Variants in MAD1L1 observed in about 807,000 individuals in gnomAD.
MAD1L1 encodes the protein mitotic spindle assembly checkpoint protein MAD1.
A neutral mutation model predicts 96.9 loss-of-function variants in MAD1L1; 95 were observed. The observed-to-expected ratio is 0.98, with a 90% confidence interval of 0.83 to 1.16. The LOEUF (loss-of-function observed/expected upper bound fraction) is 1.16, where lower values mean the gene tolerates loss of function less well. Ranked by LOEUF, MAD1L1 falls within the 50% of genes most tolerant of loss-of-function variation. MAD1L1 has a pLI of 0.00. For missense variants in MAD1L1, 1,007 were observed against 954.4 expected (o/e 1.06, Z -0.73); for synonymous variants, 473 against 396.6 (o/e 1.19, Z -2.29).
At chr7:1,893,598 C>T (rs1786686179) in intron 18 of MAD1L1, among the ~76,000 whole-genome samples, 1 of 152,250 alleles carries the variant, frequency 6.6e-6, no homozygotes, top group African/African-American at 2.4e-5. Flanking sequence ...CCTCTGCCCT[C>T]CGTGGCCCTA....
At chr7:1,911,841 G>C (rs1788038289) in intron 17 of MAD1L1, among the ~76,000 whole-genome samples, 1 of 152,248 alleles carries the variant, frequency 6.6e-6, no homozygotes, top group Non-Finnish European at 1.5e-5. Context: ...GACTGGGTCT[G>C]AACCTCTGCG....
At chr7:1,912,676 C>T (rs1347974945) in intron 17 of MAD1L1, among the ~76,000 whole-genome samples, 1 of 152,210 alleles carries the variant, frequency 6.6e-6, no homozygotes, top group Non-Finnish European at 1.5e-5. Flanking sequence ...CACAGGCCCA[C>T]AGCCAGGGCC....
chr7:2,083,783 A>G (rs1181143081), intron 11 of MAD1L1, among the ~76,000 whole-genome samples: 2 of 152,232 alleles, frequency 1.3e-5, no homozygotes, highest in African/African-American at 4.8e-5. Context: ...CGTGGGAAGA[A>G]ACAGATCTGT....
intron 11 of MAD1L1, among the ~76,000 whole-genome samples, chr7:2,092,016 C>T (rs1328450649): frequency 6.6e-6 from 1 of 152,186 alleles, no homozygotes; most frequent in East Asian, 1.9e-4. Context: ...CAGACAGGGC[C>T]ATCAGGTCAT....
chr7:1,939,850 G>C (rs1323609839), intron 16 of MAD1L1, among the ~76,000 whole-genome samples: 1 of 152,222 alleles, frequency 6.6e-6, no homozygotes, highest in Non-Finnish European at 1.5e-5. Context: ...GGCTTGGGCT[G>C]TACCCTGGGG....
chr7:2,092,763 G>T (rs1786281416), intron 11 of MAD1L1, among the ~76,000 whole-genome samples: 1 of 152,170 alleles, frequency 6.6e-6, no homozygotes, highest in African/African-American at 2.4e-5. Context: ...CCTCTTAACA[G>T]TATCTTCCAC....
chr7:2,116,551 T>A (rs1262898284), intron 11 of MAD1L1, among the ~76,000 whole-genome samples: 1 of 43,018 alleles, frequency 2.3e-5, no homozygotes. Flanking sequence ...TACCCACACG[T>A]GGCAGGCCAG....
chr7:1,873,553 G>A (rs531646374), intron 18 of MAD1L1, among the ~76,000 whole-genome samples: 10 of 152,120 alleles, frequency 6.6e-5, no homozygotes, highest in East Asian at 3.9e-4. Flanking sequence ...GGCTCTCTAC[G>A]GATGGGGGCC....
chr7:1,926,776 G>A (rs931902051), intron 17 of MAD1L1, among the ~76,000 whole-genome samples: 23 of 152,220 alleles, frequency 1.5e-4, no homozygotes, highest in African/African-American at 3.9e-4. Flanking sequence ...CTAGCAGCAC[G>A]CCTCATGGAG....
intron 18 of MAD1L1, among the ~76,000 whole-genome samples, chr7:1,855,748 G>A (rs1036614345): frequency 7.2e-5 from 11 of 152,090 alleles, no homozygotes; most frequent in Non-Finnish European, 1.5e-4. Context: ...GCCTGTTCTC[G>A]GCAACATCTG....
chr7:1,957,477 C>G (rs979353512), intron 16 of MAD1L1, 152 bp downstream of exon 16: 1 of 772,358 alleles, frequency 1.3e-6, no homozygotes, highest in Non-Finnish European at 2.1e-6. Flanking sequence ...GCCTCCCTGC[C>G]AGGCAAGGGG....
rs371676435 is a variant in MAD1L1, at chr7:2,193,752, G to T, written c.986+19460C>A. Among the ~76,000 whole-genome samples the T allele has an allele frequency of 3.7e-4, 57 of 152,278 alleles. No individual in the cohort carries two copies. In the East Asian group the frequency reaches 6.0e-3, roughly 16 times the overall value. On this transcript the variant is annotated intron_variant, in intron 10 of 18. Coordinates refer to ENST00000265854, the MANE Select transcript of MAD1L1 (RefSeq NM_001013836.2). ...CTCCAGCCAGAGCAGGTGCTGAGCCGCGATCCGGGAGACGCCAGTCTCACC... is the reference window on the plus strand; with the variant it reads ...CTCCAGCCAGAGCAGGTGCTGAGCCTCGATCCGGGAGACGCCAGTCTCACC...
At chr7:1,954,618 A>T (rs2128472825) in intron 16 of MAD1L1, among the ~76,000 whole-genome samples, 1 of 152,298 alleles carries the variant, frequency 6.6e-6, no homozygotes, top group Admixed American at 6.5e-5. Flanking sequence ...CTCTGCCGCC[A>T]GATCTGGAGT....
At chr7:2,217,031 C>A (rs548706282) in intron 7 of MAD1L1, among the ~76,000 whole-genome samples, 85 of 152,274 alleles carry the variant, frequency 5.6e-4, no homozygotes, top group African/African-American at 1.9e-3. Flanking sequence ...CACCTGCCCT[C>A]GGGGAGCTCT....
Position 2,060,429 on chromosome 7 carries a change from C to A in MAD1L1, c.1218+8765G>T, listed in dbSNP as rs114321942. On this transcript the variant is annotated intron_variant, in intron 12 of 18. Coordinates refer to ENST00000265854, the MANE Select transcript of MAD1L1 (RefSeq NM_001013836.2). ...GAGATACACTGATGCTGAGATACGC[C>A]GATGCTGAGATAACGCCGATGCCGA... 2.5e-3 allele frequency among the ~76,000 whole-genome samples: 380 copies of A among 151,930 alleles called. 2 individuals are homozygous for A. The highest frequency in any genetic ancestry group is 8.5e-3 in the African/African-American group (352 of 41,404).
chr7:2,013,254 G>A (rs1334249253), intron 13 of MAD1L1, among the ~76,000 whole-genome samples: 1 of 152,222 alleles, frequency 6.6e-6, no homozygotes, highest in Non-Finnish European at 1.5e-5. Flanking sequence ...CTGGCTGAAT[G>A]AGGAAAGGAC....
chr7:2,218,001 G>C lies in MAD1L1; in HGVS notation c.639C>G (p.Ala213=). 3.7e-6 allele frequency: 6 copies of C among 1,614,106 alleles called. No individual in the cohort carries two copies. The highest frequency in any genetic ancestry group is 5.1e-6 in the Non-Finnish European group (6 of 1,179,966). The change falls in exon 7 of 19, where the codon GCC becomes GCG. Residue 213 remains alanine, a synonymous_variant. Coordinates refer to ENST00000265854, the MANE Select transcript of MAD1L1 (RefSeq NM_001013836.2). ...EANQKIQELQ[A]SQEARADHEQ... is the part of the protein sequence containing the mutation. ...CGTGGTCTGCTCTTGCTTCTTGGCT[G>C]GCCTGGAGTTCCTGGATTTTCTGAT... is the stretch of plus-strand genomic sequence containing the variant.
At chr7:2,125,627 G>A (rs568038624) in intron 11 of MAD1L1, among the ~76,000 whole-genome samples, 5 of 152,246 alleles carry the variant, frequency 3.3e-5, no homozygotes, top group East Asian at 1.9e-4. Flanking sequence ...AGGCTGGCTC[G>A]AGGTTTCTGA....
At position 2,066,483 on chromosome 7, in the gene MAD1L1, T is replaced by C. The variant is rs1784880358; in HGVS notation, c.1218+2711A>G. Among the ~76,000 whole-genome samples the C allele has an allele frequency of 2.0e-5, 3 of 152,302 alleles. No homozygotes were observed. In the South Asian group the frequency reaches 6.2e-4, roughly 32 times the overall value. On this transcript the variant is annotated intron_variant, in intron 12 of 18. Coordinates refer to ENST00000265854, the MANE Select transcript of MAD1L1 (RefSeq NM_001013836.2). ...CAACCAGTCCATGCCCGGCGATCAATACCCACCTTCTTGCTAACACAGAGC... is the reference window on the plus strand; with the variant it reads ...CAACCAGTCCATGCCCGGCGATCAACACCCACCTTCTTGCTAACACAGAGC...
Sources: gnomAD v4.1 joint callset for allele counts (sites outside exome capture counted in the v4.1 genomes callset) on GRCh38, gnomAD v4.1.1 for gene constraint, MANE v1.5 for transcripts, NCBI Gene and HGNC (gene_info 2026-07-23, HGNC 2026-07-21) for gene names.